Variants in SUPT16H observed in about 807,000 individuals in gnomAD.
SUPT16H encodes the protein SPT16 homolog, facilitates chromatin remodeling subunit.
A neutral mutation model predicts 136.2 loss-of-function variants in SUPT16H; 24 were observed. The ratio of observed to expected loss-of-function variants is 0.18; its 90% confidence interval spans 0.13 to 0.25. The LOEUF is 0.25. Among genes scored for constraint, SUPT16H ranks in the 10% least tolerant of loss-of-function variants. The pLI is 1.00. For synonymous variants in SUPT16H, 415 were observed against 428.2 expected (o/e 0.97, Z 0.38); for missense variants, 623 against 1,270.2 (o/e 0.49, Z 7.74).
intron 1 of SUPT16H, chr14:21,383,173 A>T (rs1037297459): frequency 6.3e-6 from 1 of 159,054 alleles, no homozygotes; most frequent in African/African-American, 2.4e-5. Flanking sequence ...TCTTTAAAAA[A>T]CTGGGAACTG....
intron 10 of SUPT16H, 33 bp downstream of exon 10, chr14:21,364,794 A>C: frequency 6.3e-7 from 1 of 1,590,824 alleles, no homozygotes; most frequent in South Asian, 1.1e-5. Context: ...AAGTTAGTTC[A>C]TGAAGACTCC....
At chr14:21,381,562 G>GTT (rs567730182) in intron 1 of SUPT16H, among the ~76,000 whole-genome samples, 1 of 145,018 alleles carries the variant, frequency 6.9e-6, no homozygotes, top group African/African-American at 2.5e-5. Flanking sequence ...AGTCATAACA[G>GTT]TTTTTTTTTT....
chr14:21,369,240 C>T lies in SUPT16H; in HGVS notation c.746G>A (p.Ser249Asn), dbSNP rs1369953425. 1 of 1,614,120 alleles carries T rather than the reference C, an allele frequency of 6.2e-7. No individual in the cohort carries two copies. Among genetic ancestry groups the T allele is most frequent in the African/African-American group, 1.3e-5 (1 of 75,048 alleles). The change falls in exon 6 of 26, where the codon AGT (serine) becomes AAT (asparagine). Residue 249 changes from serine (S) to asparagine (N), a missense_variant. Physicochemically the swap from Ser to Asn is conservative, Grantham distance 46 (BLOSUM62 1). Around this residue, in one of 7 missense-constraint regions of SUPT16H, gnomAD observed 343 missense variants for 525.7 expected, o/e 0.65. Transcript: ENST00000216297. ...VEMCYPPIIQ[S>N]GGNYNLKFSV... Reference sequence around the variant, plus strand: ...GAACTTGAGATTATAGTTGCCACCACTCTGAATGATAGGAGGGTAACACAT... The same window carrying T: ...GAACTTGAGATTATAGTTGCCACCATTCTGAATGATAGGAGGGTAACACAT...
chr14:21,361,863 G>T (rs562733313), intron 15 of SUPT16H, among the ~76,000 whole-genome samples: 87 of 152,186 alleles, frequency 5.7e-4, no homozygotes, highest in African/African-American at 1.8e-3. Flanking sequence ...AACCTCCCAG[G>T]CTCAAGGAAT....
intron 10 of SUPT16H, 133 bp downstream of exon 10, chr14:21,364,694 C>T (rs1278123199): frequency 1.5e-6 from 1 of 682,276 alleles, no homozygotes; most frequent in Non-Finnish European, 2.6e-6. Context: ...TTCCTAGCTG[C>T]ATTAGGTTAG....
In SUPT16H at chr14:21,352,620, A is replaced by AT. The variant is rs1284953410; in HGVS notation, c.*52dup. ...AAATACAGTTTCTATGTCATGTAAA[A>AT]TTTTCAGGGGTTGGCTGGAGGAAGA... On this transcript the variant is annotated 3_prime_UTR_variant, in exon 26 of 26. Coordinates refer to ENST00000216297, the MANE Select transcript of SUPT16H (RefSeq NM_007192.4). 8 of 1,607,824 alleles carry AT rather than the reference A, an allele frequency of 5.0e-6. No homozygotes were observed. The Admixed American group carries it at 1.4e-4, about 28-fold the overall frequency.
intron 1 of SUPT16H, among the ~76,000 whole-genome samples, chr14:21,381,071 A>G (rs1197862344): frequency 1.3e-5 from 2 of 152,012 alleles, no homozygotes; most frequent in African/African-American, 4.8e-5. Flanking sequence ...CTTAAAACAT[A>G]AGAGGCAAGA....
intron 18 of SUPT16H, 69 bp from the exon 19 acceptor site, chr14:21,359,678 G>A (rs1594299604): frequency 1.3e-6 from 2 of 1,563,280 alleles, no homozygotes; most frequent in East Asian, 4.5e-5. Flanking sequence ...AAATGGCAGT[G>A]ATCCAAACTT....
chr14:21,371,520 A>T (rs1369525075), intron 3 of SUPT16H, among the ~76,000 whole-genome samples: 2 of 152,244 alleles, frequency 1.3e-5, no homozygotes, highest in African/African-American at 4.8e-5. Flanking sequence ...GACAAAAAAA[A>T]TTCACATTTG....
rs552510520 is a variant in SUPT16H, at chr14:21,360,715, T to C, written c.2056+131A>G. On this transcript the variant is annotated intron_variant, in intron 17 of 25. Transcript: ENST00000216297. ...CTCCCAGCATTTCCTTGTCATACTT[T>C]ATTAGCACCATGCTTTAACCAACTG... 1.7e-5 allele frequency: 24 copies of C among 1,376,984 alleles called. No individual in the cohort carries two copies. In the Admixed American group the frequency reaches 3.5e-4, roughly 20 times the overall value. 85.3% of individuals were successfully genotyped at this position (1,376,984 alleles called of 1,614,324 possible). A position where few individuals can be genotyped will look rare whatever the true frequency, so the allele number is the denominator to read the frequency against.
chr14:21,367,631 T>C (rs928181789), intron 7 of SUPT16H, among the ~76,000 whole-genome samples: 1 of 152,232 alleles, frequency 6.6e-6, no homozygotes, highest in Non-Finnish European at 1.5e-5. Flanking sequence ...ATTAACAGTA[T>C]ATATCCTGTA....
At chr14:21,383,095 A>C (rs1346818274) in intron 1 of SUPT16H, 1 of 152,802 alleles carries the variant, frequency 6.5e-6, no homozygotes, top group African/African-American at 2.4e-5. Context: ...TGTTTGCTCA[A>C]TTAGTAAGTT....
chr14:21,366,937 C>T (rs552857884), intron 7 of SUPT16H, among the ~76,000 whole-genome samples: 5 of 152,210 alleles, frequency 3.3e-5, no homozygotes, highest in African/African-American at 1.2e-4. Context: ...AATCACTCCA[C>T]CTGGCCCCAT....
rs368552236 is a variant in SUPT16H at position 21,354,556 on chromosome 14, T to C, written c.2661-16A>G. ...GTCGCAGGAACTAAGAGAAATGACATGACAAAGTCAAATCAATCTTCTGTA... is the reference window on the plus strand; with the variant it reads ...GTCGCAGGAACTAAGAGAAATGACACGACAAAGTCAAATCAATCTTCTGTA... On this transcript the variant is annotated splice_polypyrimidine_tract_variant and intron_variant, in intron 22 of 25. Transcript: ENST00000216297. The C allele has an allele frequency of 1.7e-5, 28 of 1,611,794 alleles. No individual in the cohort carries two copies. The highest frequency in any genetic ancestry group is 2.2e-5 in the Non-Finnish European group (26 of 1,179,222).
chr14:21,373,174 G>A (rs540507856), intron 2 of SUPT16H, among the ~76,000 whole-genome samples, 164 bp downstream of exon 2: 3 of 152,104 alleles, frequency 2.0e-5, no homozygotes, highest in Non-Finnish European at 4.4e-5. Flanking sequence ...TTGAACTCCT[G>A]GGCTCAAGCA....
intron 2 of SUPT16H, chr14:21,372,763 G>T: frequency 2.4e-6 from 1 of 412,508 alleles, no homozygotes; most frequent in East Asian, 7.1e-5. Flanking sequence ...CTGTTACTTA[G>T]GTTTTTGTGT....
intron 1 of SUPT16H, among the ~76,000 whole-genome samples, chr14:21,373,729 T>C (rs1886837609): frequency 6.6e-6 from 1 of 152,130 alleles, no homozygotes; most frequent in African/African-American, 2.4e-5. Flanking sequence ...TTTTTAAAAT[T>C]TTATTACTTA....
intron 22 of SUPT16H, chr14:21,354,998 C>G (rs539573387): frequency 6.5e-6 from 1 of 152,902 alleles, no homozygotes; most frequent in East Asian, 1.9e-4. Context: ...CCAACTGAAA[C>G]AAGCTTTCTC....
Position 21,359,809 on chromosome 14 carries a change from G to A in SUPT16H, c.2176-200C>T, listed in dbSNP as rs553222743. 2.2e-4 allele frequency among the ~76,000 whole-genome samples: 33 copies of A among 152,254 alleles called. No individual in the cohort carries two copies. The South Asian group carries it at 6.6e-3, about 31-fold the overall frequency. ...AGTGCTGTGCTCCTACTTATTACAGGAACTTTGGAAATCATGTTGGTAACA... is the reference window on the plus strand; with the variant it reads ...AGTGCTGTGCTCCTACTTATTACAGAAACTTTGGAAATCATGTTGGTAACA... On this transcript the variant is annotated intron_variant, in intron 18 of 25. Coordinates refer to ENST00000216297, the MANE Select transcript of SUPT16H (RefSeq NM_007192.4).
Sources: gnomAD v4.1 joint callset for allele counts (sites outside exome capture counted in the v4.1 genomes callset) on GRCh38, gnomAD v4.1.1 for gene constraint, gnomAD v4.1.1 regional missense constraint, MANE v1.5 for transcripts, NCBI Gene and HGNC (gene_info 2026-07-23, HGNC 2026-07-21) for gene names.